The following PBRM1 variants were observed in gnomAD, a reference collection of about 807,000 sequenced individuals.
PBRM1 encodes the protein polybromo 1.
Under a neutral mutation model 194.5 loss-of-function variants are expected in PBRM1, and 27 were observed. The ratio of observed to expected loss-of-function variants is 0.14; its 90% confidence interval spans 0.10 to 0.19. PBRM1 has a LOEUF of 0.19. Among genes scored for constraint, PBRM1 ranks in the 10% least tolerant of loss-of-function variants. The pLI is 1.00. For synonymous variants in PBRM1, 655 were observed against 693.2 expected, an observed-to-expected ratio of 0.94 and a Z score of 0.87; for missense variants, 1,466 against 2,077.2, an observed-to-expected ratio of 0.71 and a Z score of 5.72.
chr3:52,619,919 C>T (rs1471232173), intron 13 of PBRM1, among the ~76,000 whole-genome samples: 1 of 152,166 alleles, frequency 6.6e-6, no homozygotes, highest in Admixed American at 6.5e-5. Flanking sequence ...TGGGATCATC[C>T]TCATAACTTG....
At position 52,672,077 on chromosome 3, in the gene PBRM1, G is replaced by GT. The variant is rs546856376; in HGVS notation, c.237-3433dup. 2.8e-4 allele frequency among the ~76,000 whole-genome samples: 42 copies of GT among 152,292 alleles called. 1 individual carries two copies. Among genetic ancestry groups the GT allele is most frequent in the Admixed American group, 1.6e-3 (24 of 15,296 alleles). On this transcript the variant is annotated intron_variant, in intron 2 of 29. Coordinates refer to ENST00000296302, the Ensembl canonical transcript of PBRM1. The stretch of plus-strand genomic sequence containing the variant: ...TGGGTCTCACTGGTCTAAAATCAAG[G>GT]TATTAGCAGGGCTGCATGCCGTCTG...
chr3:52,678,696 G>T, intron 1 of PBRM1, 99 bp from the exon 3 acceptor site: 1 of 691,190 alleles, frequency 1.4e-6, no homozygotes, highest in Non-Finnish European at 2.5e-6. Context: ...AAGGCAAGTA[G>T]AGAAGAAAAA....
chr3:52,609,091 C>A lies in PBRM1; in HGVS notation c.2567+222G>T. The A allele has an allele frequency of 2.3e-6, 1 of 426,406 alleles. No homozygotes were observed. Among genetic ancestry groups the A allele is most frequent in the Non-Finnish European group, 4.2e-6 (1 of 240,760 alleles). The allele number at this position is 426,406 out of a possible 1,614,324, so 26.4% of individuals were successfully genotyped here. A position where few individuals can be genotyped will look rare whatever the true frequency, so the allele number is the denominator to read the frequency against. On this transcript the variant is annotated intron_variant, in intron 16 of 29. Transcript: ENST00000296302. The surrounding 1 kb of genome is among the most constrained non-coding windows in gnomAD (Gnocchi z 4.1). ...TCAAGAGATTTTCAATTTTGTCTTC[C>A]TCCTCACTGGCCTTAAACTAGATGA...
chr3:52,562,699 A>G (rs1280076143), intron 24 of PBRM1, among the ~76,000 whole-genome samples: 2 of 152,032 alleles, frequency 1.3e-5, no homozygotes, highest in Admixed American at 1.3e-4. Flanking sequence ...GTGCATCACC[A>G]TGCCTAATTT....
intron 10 of PBRM1, among the ~76,000 whole-genome samples, chr3:52,636,782 A>AAAAAAAAAAAAAAC: frequency 6.7e-6 from 1 of 148,394 alleles, no homozygotes; most frequent in Non-Finnish European, 1.5e-5. Flanking sequence ...AAAAAAAAAA[A>AAAAAAAAAAAAAAC]AAAAGAATTT....
At chr3:52,671,160 C>G (rs969689592) in intron 2 of PBRM1, among the ~76,000 whole-genome samples, 1 of 152,122 alleles carries the variant, frequency 6.6e-6, no homozygotes, top group African/African-American at 2.4e-5. Context: ...TTTGTTTCAG[C>G]CATTGTTGAT....
chr3:52,563,234 C>A, intron 24 of PBRM1, 49 bp downstream of exon 26: 1 of 1,467,514 alleles, frequency 6.8e-7, no homozygotes. Flanking sequence ...GAGTCTGCTG[C>A]AAACCAAAGG....
chr3:52,684,656 C>T (rs1336641593), upstream of PBRM1, among the ~76,000 whole-genome samples: 3 of 152,156 alleles, frequency 2.0e-5, no homozygotes, highest in Non-Finnish European at 4.4e-5. Flanking sequence ...GAAGGTTCTT[C>T]CAAGTCAACA....
chr3:52,605,594 G>A (rs998870550), intron 16 of PBRM1, among the ~76,000 whole-genome samples: 118 of 150,850 alleles, frequency 7.8e-4, no homozygotes, highest in Non-Finnish European at 1.6e-4. Context: ...GGGTGTTTCC[G>A]GAAAGTCTCT....
exon 9 of PBRM1, chr3:52,643,249 G>A (rs374515597): frequency 8.7e-5 from 139 of 1,603,028 alleles, no homozygotes; most frequent in Middle Eastern, 3.3e-4. Flanking sequence ...TTTTCTCACC[G>A]GTAATACTTG....
intron 5 of PBRM1, among the ~76,000 whole-genome samples, chr3:52,654,708 C>A (rs553298108): frequency 6.6e-6 from 1 of 152,204 alleles, no homozygotes; most frequent in East Asian, 1.9e-4. Flanking sequence ...TTATCTCCTG[C>A]AGGGTAAGAA....
chr3:52,682,486 G>A (rs1205212782), upstream of PBRM1, among the ~76,000 whole-genome samples: 2 of 151,854 alleles, frequency 1.3e-5, no homozygotes, highest in African/African-American at 4.8e-5. Context: ...TGTGTATGTC[G>A]TTCGGATGAC....
downstream of PBRM1, chr3:52,547,022 T>A (rs2079767219): frequency 4.3e-6 from 1 of 233,240 alleles, no homozygotes; most frequent in Non-Finnish European, 8.5e-6. Flanking sequence ...TTGTTCACAA[T>A]TATGCTTCTT....
At chr3:52,587,155 A>ATG (rs1475584129) in intron 19 of PBRM1, among the ~76,000 whole-genome samples, 198 bp downstream of exon 21, 1 of 152,226 alleles carries the variant, frequency 6.6e-6, no homozygotes, top group Non-Finnish European at 1.5e-5. Flanking sequence ...ATAGCCAAAT[A>ATG]GTGTAAGCAG....
intron 6 of PBRM1, among the ~76,000 whole-genome samples, chr3:52,651,450 C>T (rs1329176234): frequency 1.3e-5 from 2 of 152,144 alleles, no homozygotes; most frequent in Non-Finnish European, 2.9e-5. Context: ...TAAATACATA[C>T]ACCTGCTATG....
At chr3:52,624,025 T>C (rs1413060886) in intron 13 of PBRM1, among the ~76,000 whole-genome samples, 1 of 152,230 alleles carries the variant, frequency 6.6e-6, no homozygotes, top group Non-Finnish European at 1.5e-5. Flanking sequence ...ATACATATGG[T>C]AGTAACATTT....
intron 13 of PBRM1, among the ~76,000 whole-genome samples, chr3:52,622,466 C>T (rs914039423): frequency 2.0e-5 from 3 of 152,190 alleles, no homozygotes; most frequent in Non-Finnish European, 2.9e-5. Flanking sequence ...GGGTCCTGTG[C>T]TATCAAAATA....
At position 52,609,245 on chromosome 3, in the gene PBRM1, A is replaced by G. The variant is rs533002990; in HGVS notation, c.2567+68T>C. ...TAAGTGGAAATAGTACATCAAAGCA[A>G]TATTCTTTCATCTGTTTTGTATTAA... On this transcript the variant is annotated intron_variant, in intron 16 of 29. Transcript: ENST00000296302. The surrounding 1 kb of genome is among the most constrained non-coding windows in gnomAD (Gnocchi z 4.1). The G allele has an allele frequency of 4.0e-4, 489 of 1,216,486 alleles. No homozygotes were observed. The highest frequency in any genetic ancestry group is 5.2e-4 in the Non-Finnish European group (444 of 850,818). 75.4% of individuals were successfully genotyped at this position (1,216,486 alleles called of 1,614,324 possible). A position where few individuals can be genotyped will look rare whatever the true frequency, so the allele number is the denominator to read the frequency against.
intron 16 of PBRM1, among the ~76,000 whole-genome samples, chr3:52,605,330 G>A (rs561066839): frequency 1.1e-4 from 16 of 152,118 alleles, no homozygotes; most frequent in African/African-American, 3.4e-4. Context: ...TTACAGATGT[G>A]AGCCACCACA....
Sources: gnomAD v4.1 joint callset for allele counts (sites outside exome capture counted in the v4.1 genomes callset) on GRCh38, gnomAD v4.1.1 for gene constraint, Gnocchi (gnomAD v3.1) non-coding constraint, MANE v1.5 for transcripts, NCBI Gene and HGNC (gene_info 2026-07-23, HGNC 2026-07-21) for gene names.